The following MALRD1 variants were observed in gnomAD, a reference collection of about 807,000 sequenced individuals.
The protein encoded by MALRD1 is MAM and LDL receptor class A domain containing 1.
A neutral mutation model predicts 242.1 loss-of-function variants in MALRD1; 247 were observed. The ratio of observed to expected loss-of-function variants is 1.02; its 90% confidence interval spans 0.92 to 1.13. The LOEUF (loss-of-function observed/expected upper bound fraction) is 1.13, where lower values mean the gene tolerates loss of function less well. Among genes scored for constraint, MALRD1 ranks in the 50% most tolerant of loss-of-function variants. The pLI is 0.00. For synonymous variants in MALRD1, 995 were observed against 866.6 expected (o/e 1.15, Z -2.60); for missense variants, 2,989 against 2,533.1 (o/e 1.18, Z -3.86).
chr10:19,384,816 C>G (rs1048798712), intron 26 of MALRD1, among the ~76,000 whole-genome samples: 1 of 149,956 alleles, frequency 6.7e-6, no homozygotes, highest in African/African-American at 2.4e-5. Context: ...AATAGAAGTG[C>G]CAAGACTGGG....
chr10:19,443,668 G>T (rs1415088539), intron 28 of MALRD1, among the ~76,000 whole-genome samples: 1 of 152,198 alleles, frequency 6.6e-6, no homozygotes, highest in African/African-American at 2.4e-5. Flanking sequence ...TAGTTTGATT[G>T]CACTGTGGTC....
chr10:19,419,644 A>G lies in MALRD1; in HGVS notation c.4845+30035A>G, dbSNP rs889330544. 3.3e-5 allele frequency among the ~76,000 whole-genome samples: 5 copies of G among 152,182 alleles called. No individual in the cohort carries two copies. In the East Asian group the frequency reaches 9.7e-4, roughly 30 times the overall value. ...TGATTTTCCTTCTTTCAAATGGAAA[A>G]ATCCTTTTACTCGTCAAATCCCATT... On this transcript the variant is annotated intron_variant, in intron 28 of 39. Transcript: ENST00000454679.
In MALRD1 at chr10:19,392,163, C is replaced by T. The variant is rs139796289; in HGVS notation, c.4845+2554C>T. On this transcript the variant is annotated intron_variant, in intron 28 of 39. Coordinates refer to ENST00000454679, the MANE Select transcript of MALRD1 (RefSeq NM_001142308.3). ...ATATGTCATTTATAGAACACCATCA[C>T]TTATATTATTTCATGGAATTCTTAA... Among the ~76,000 whole-genome samples the T allele has an allele frequency of 3.5e-3, 527 of 152,240 alleles. 4 individuals are homozygous for T. Among genetic ancestry groups the T allele is most frequent in the African/African-American group, 0.012 (509 of 41,532 alleles).
intron 36 of MALRD1, among the ~76,000 whole-genome samples, chr10:19,622,855 G>C (rs944892640): frequency 2.0e-5 from 3 of 151,872 alleles, no homozygotes; most frequent in African/African-American, 7.2e-5. Flanking sequence ...ATGTATCCAA[G>C]TACATATGAA....
chr10:19,175,650 C>A (rs936494408), intron 14 of MALRD1, among the ~76,000 whole-genome samples: 1 of 151,426 alleles, frequency 6.6e-6, no homozygotes, highest in Admixed American at 6.6e-5. Flanking sequence ...TAAATATTCA[C>A]TTCTCCATTA....
chr10:19,347,808 T>C lies in MALRD1; in HGVS notation c.3939T>C (p.Leu1313=). The change falls in exon 25 of 40, where the codon CTT becomes CTC. Residue 1313 remains leucine (L), a synonymous_variant. Transcript: ENST00000454679. ...GGCGCTGTGATTTCGAATTTGATCTTTGTTCCTGGAAGCAGGAGAAAGATG... is the reference window on the plus strand; with the variant it reads ...GGCGCTGTGATTTCGAATTTGATCTCTGTTCCTGGAAGCAGGAGAAAGATG... The part of the protein sequence containing the change: ...SSGRCDFEFD[L]CSWKQEKDED... 2 of 1,550,544 alleles carry C rather than the reference T, an allele frequency of 1.3e-6. No individual in the cohort carries two copies. Among genetic ancestry groups the C allele is most frequent in the Non-Finnish European group, 1.7e-6 (2 of 1,146,860 alleles).
At chr10:19,097,651 G>C (rs1289290385) in intron 4 of MALRD1, among the ~76,000 whole-genome samples, 2 of 152,128 alleles carry the variant, frequency 1.3e-5, no homozygotes, top group African/African-American at 2.4e-5. Context: ...CTAGGAAAAT[G>C]AGCTTTCTGT....
chr10:19,299,232 A>C (rs1201101194), intron 21 of MALRD1, among the ~76,000 whole-genome samples: 3 of 151,990 alleles, frequency 2.0e-5, no homozygotes, highest in African/African-American at 7.2e-5. Flanking sequence ...TAATAGTATA[A>C]AAAGCAGTAT....
At chr10:19,653,069 C>T (rs1259782669) in intron 36 of MALRD1, among the ~76,000 whole-genome samples, 1 of 152,144 alleles carries the variant, frequency 6.6e-6, no homozygotes, top group African/African-American at 2.4e-5. Context: ...GGCCATTATT[C>T]CTAGCAGTCT....
chr10:19,393,791 A>G (rs7913693), intron 28 of MALRD1, among the ~76,000 whole-genome samples: 12,450 of 150,682 alleles, frequency 0.083, 1,041 homozygotes, highest in African/African-American at 0.22. Flanking sequence ...ATATGTATAC[A>G]TGAATACACT....
In MALRD1 at chr10:19,376,542, C is replaced by CATTTTTTTTTTTTTTTTTTTTTT. The variant is rs1554842468; in HGVS notation, c.4442-10986_4442-10985insATTTTTTTTTTTTTTTTTTTTTT. ...TTGAAAGTCAAGGAGTTGATACATTCTTTTTTTTTTTTTTTTTTTTTTTTT... is the reference window on the plus strand; with the variant it reads ...TTGAAAGTCAAGGAGTTGATACATTCATTTTTTTTTTTTTTTTTTTTTTTTTTTTTTTTTTTTTTTTTTTTTTT... On this transcript the variant is annotated intron_variant, in intron 26 of 39. Transcript: ENST00000454679. Among the ~76,000 whole-genome samples the CATTTTTTTTTTTTTTTTTTTTTT allele has an allele frequency of 7.4e-5, 7 of 94,992 alleles. 2 individuals carry two copies. The highest frequency in any genetic ancestry group is 1.0e-4 in the Non-Finnish European group (5 of 48,166). The allele number at this position is 94,992 out of a possible 152,430, so 62.3% of individuals were successfully genotyped here. A position where few individuals can be genotyped will look rare whatever the true frequency, so the allele number is the denominator to read the frequency against.
chr10:19,494,971 A>C (rs1837646698), intron 30 of MALRD1, among the ~76,000 whole-genome samples: 1 of 148,852 alleles, frequency 6.7e-6, no homozygotes, highest in Non-Finnish European at 1.5e-5. Flanking sequence ...AAGACACATA[A>C]TCATCACTTT....
At chr10:19,656,769 A>G (rs1841172114) in intron 36 of MALRD1, among the ~76,000 whole-genome samples, 1 of 152,162 alleles carries the variant, frequency 6.6e-6, no homozygotes, top group Non-Finnish European at 1.5e-5. Context: ...TAGGGTGTCT[A>G]TCAGCTTGTC....
At chr10:19,350,066 C>T (rs1432311105) in intron 25 of MALRD1, among the ~76,000 whole-genome samples, 1 of 152,000 alleles carries the variant, frequency 6.6e-6, no homozygotes, top group Non-Finnish European at 1.5e-5. Context: ...AATATTGGGT[C>T]TTCTATATTA....
At chr10:19,311,703 G>T (rs952820109) in intron 21 of MALRD1, among the ~76,000 whole-genome samples, 3 of 151,478 alleles carry the variant, frequency 2.0e-5, no homozygotes, top group South Asian at 2.1e-4. Flanking sequence ...ATAATTTTAT[G>T]AAGTGGGAAA....
At position 19,280,228 on chromosome 10, in the gene MALRD1, G is replaced by A; in HGVS notation, c.3256+5G>A. ...AATCAGATGAAGCATCCTGTGGTAG[G>A]TGGATTCTTAAAATTTGTTTAAATA... On this transcript the variant is annotated splice_donor_5th_base_variant and intron_variant, in intron 20 of 39. Transcript: ENST00000454679. 1 of 1,479,404 alleles carries A rather than the reference G, an allele frequency of 6.8e-7. No homozygotes were observed. The highest frequency in any genetic ancestry group is 1.4e-5 in the African/African-American group (1 of 70,204). The allele number at this position is 1,479,404 out of a possible 1,614,324, so 91.6% of individuals were successfully genotyped here.
chr10:19,466,414 T>C (rs1045557607), intron 29 of MALRD1, among the ~76,000 whole-genome samples: 4 of 152,168 alleles, frequency 2.6e-5, no homozygotes, highest in African/African-American at 9.7e-5. Context: ...TATTCATGTG[T>C]TTCTATATTT....
intron 5 of MALRD1, among the ~76,000 whole-genome samples, chr10:19,117,094 CAAAA>C (rs35620225): frequency 1.4e-5 from 1 of 70,908 alleles, no homozygotes; most frequent in Admixed American, 1.6e-4. Context: ...GACTCTGTCT[CAAAA>C]AAAAAAAAAA....
intron 1 of MALRD1, among the ~76,000 whole-genome samples, chr10:19,065,541 C>T (rs973659083): frequency 3.9e-5 from 6 of 152,120 alleles, no homozygotes; most frequent in African/African-American, 1.4e-4. Flanking sequence ...TTTTGGTCAG[C>T]AGAGTTGTGA....
Sources: allele counts gnomAD v4.1 joint callset (sites outside exome capture counted in the v4.1 genomes callset), GRCh38; gene constraint gnomAD v4.1.1; transcripts MANE v1.5; gene names NCBI Gene and HGNC (gene_info 2026-07-23, HGNC 2026-07-21).